The following PABPC4L variants were observed in gnomAD, a reference collection of about 807,000 sequenced individuals.
PABPC4L encodes polyadenylate-binding protein 4-like.
For missense variants in PABPC4L, 452 were observed against 451.4 expected, an observed-to-expected ratio of 1.00 and a Z score of -0.01; for synonymous variants, 169 against 164.1, an observed-to-expected ratio of 1.03 and a Z score of -0.23.
the PABPC4L span, among the ~76,000 whole-genome samples, chr4:134,112,219 C>G: frequency 6.6e-6 from 1 of 151,674 alleles, no homozygotes; most frequent in East Asian, 1.9e-4. Flanking sequence ...AAGATAAAAG[C>G]TAAAATAAAT....
At chr4:133,992,508 T>C in the PABPC4L span, among the ~76,000 whole-genome samples, 1 of 152,138 alleles carries the variant, frequency 6.6e-6, no homozygotes, top group East Asian at 1.9e-4. Context: ...TGATATGTAG[T>C]TTTACCTGGC....
At chr4:134,049,992 G>A in the PABPC4L span, among the ~76,000 whole-genome samples, 1 of 152,066 alleles carries the variant, frequency 6.6e-6, no homozygotes, top group Admixed American at 6.6e-5. Context: ...TTTCACTGGT[G>A]GGATCAGACT....
the PABPC4L span, among the ~76,000 whole-genome samples, chr4:134,028,040 T>C: frequency 2.0e-5 from 3 of 151,994 alleles, no homozygotes; most frequent in Non-Finnish European, 4.4e-5. Context: ...TTGGTGTAGA[T>C]GGGTGTTTCT....
chr4:134,185,255 T>TA, the PABPC4L span, among the ~76,000 whole-genome samples: 4 of 152,064 alleles, frequency 2.6e-5, no homozygotes, highest in Non-Finnish European at 5.9e-5. Flanking sequence ...TTTAGACCAA[T>TA]ATCCCTGATG....
At chr4:133,968,606 A>G in the PABPC4L span, among the ~76,000 whole-genome samples, 102 of 152,294 alleles carry the variant, frequency 6.7e-4, 1 homozygote, top group African/African-American at 2.3e-3. Flanking sequence ...AAAAACAAAA[A>G]ATGGGCCACG....
At chr4:133,963,697 C>A in the PABPC4L span, among the ~76,000 whole-genome samples, 1 of 152,152 alleles carries the variant, frequency 6.6e-6, no homozygotes, top group African/African-American at 2.4e-5. Flanking sequence ...ACCTGCAAAA[C>A]CATGAAAATA....
chr4:134,071,820 G>T, the PABPC4L span, among the ~76,000 whole-genome samples: 345 of 152,260 alleles, frequency 2.3e-3, 1 homozygote, highest in African/African-American at 4.6e-3. Context: ...AGCATTTAAT[G>T]ATCCCTGTTA....
chr4:134,046,765 A>G, the PABPC4L span, among the ~76,000 whole-genome samples: 1 of 152,178 alleles, frequency 6.6e-6, no homozygotes, highest in Non-Finnish European at 1.5e-5. Flanking sequence ...CTGCCTGTAA[A>G]CATATTGTTA....
At chr4:134,183,972 GAACTT>G in the PABPC4L span, among the ~76,000 whole-genome samples, 1 of 151,554 alleles carries the variant, frequency 6.6e-6, no homozygotes, top group Non-Finnish European at 1.5e-5. Flanking sequence ...TGCGATTGTA[GAACTT>G]AACAAGTTGA....
At chr4:134,164,262 CAAAAAAA>C in the PABPC4L span, among the ~76,000 whole-genome samples, 10 of 34,180 alleles carry the variant, frequency 2.9e-4, no homozygotes, top group Admixed American at 9.7e-4. Context: ...GACTCCGTCT[CAAAAAAA>C]AAAAAAAAAA....
the PABPC4L span, among the ~76,000 whole-genome samples, chr4:134,075,170 G>C: frequency 2.0e-5 from 3 of 152,290 alleles, no homozygotes; most frequent in East Asian, 5.8e-4. Flanking sequence ...GTTTTGAGTA[G>C]ATAGTCCAAA....
At chr4:134,112,953 T>C in the PABPC4L span, among the ~76,000 whole-genome samples, 2 of 151,910 alleles carry the variant, frequency 1.3e-5, no homozygotes, top group East Asian at 1.9e-4. Context: ...GACAGTGATA[T>C]TGATGAACCT....
chr4:134,153,646 C>A, the PABPC4L span, among the ~76,000 whole-genome samples: 7 of 140,880 alleles, frequency 5.0e-5, no homozygotes, highest in African/African-American at 1.9e-4. Context: ...TTCTTTCTTT[C>A]TTTATTTTTT....
At chr4:133,956,310 A>G in the PABPC4L span, among the ~76,000 whole-genome samples, 1 of 152,200 alleles carries the variant, frequency 6.6e-6, no homozygotes. Flanking sequence ...TTATATTTTG[A>G]AGAAACAAGT....
chr4:133,963,450 T>C, the PABPC4L span, among the ~76,000 whole-genome samples: 1 of 151,808 alleles, frequency 6.6e-6, no homozygotes, highest in South Asian at 2.1e-4. Context: ...AGAAAGCCAA[T>C]AAAGAAACAA....
chr4:133,991,161 C>T, the PABPC4L span, among the ~76,000 whole-genome samples: 8 of 152,116 alleles, frequency 5.3e-5, no homozygotes, highest in African/African-American at 1.9e-4. Context: ...CAGCAATATT[C>T]TTTTCCAATC....
At chr4:134,118,507 A>T in the PABPC4L span, among the ~76,000 whole-genome samples, 1 of 151,988 alleles carries the variant, frequency 6.6e-6, no homozygotes, top group East Asian at 1.9e-4. Flanking sequence ...GGCAACACTT[A>T]GATTGACAAA....
the PABPC4L span, among the ~76,000 whole-genome samples, chr4:134,129,768 C>T: frequency 5.3e-4 from 81 of 151,866 alleles, no homozygotes; most frequent in Middle Eastern, 3.4e-3. Flanking sequence ...GGATTAAATG[C>T]CTACATCAAA....
chr4:134,057,047 G>T, the PABPC4L span, among the ~76,000 whole-genome samples: 1 of 152,002 alleles, frequency 6.6e-6, no homozygotes, highest in Admixed American at 6.6e-5. Context: ...AGATGAGTTA[G>T]TTATCTCCAT....
Sources: allele counts gnomAD v4.1 joint callset (sites outside exome capture counted in the v4.1 genomes callset), GRCh38; gene constraint gnomAD v4.1.1; transcripts MANE v1.5; gene names NCBI Gene and HGNC (gene_info 2026-07-23, HGNC 2026-07-21).